FBLN1: variants seen among roughly 807,000 people sequenced by gnomAD.
FBLN1 encodes the protein fibulin 1.
Under a neutral mutation model 89.7 loss-of-function variants are expected in FBLN1, and 34 were observed. The observed-to-expected ratio is 0.38, with a 90% CI of 0.29 to 0.50. The LOEUF (loss-of-function observed/expected upper bound fraction) is 0.50. FBLN1 is among the 20% of genes least tolerant of loss of function. The pLI, the probability that FBLN1 is intolerant of heterozygous loss-of-function variation, is 0.92. For synonymous variants in FBLN1, 393 were observed against 391.3 expected (o/e 1.00, Z -0.05); for missense variants, 777 against 988.1 (o/e 0.79, Z 2.86).
chr22:45,513,207 T>C (rs187244569), intron 1 of FBLN1, among the ~76,000 whole-genome samples: 33 of 152,320 alleles, frequency 2.2e-4, no homozygotes, highest in African/African-American at 7.7e-4. Context: ...TGTAGGATGT[T>C]ATAAGATGAC....
rs1216038295 is a variant in FBLN1 at position 45,562,636 on chromosome 22, G to A, written c.1698-11875G>A. ...GCCCCTGGGGTGGGGCTCTGCCAGT[G>A]AGCAGGGGACGCACCTCACTCCGGG... On this transcript the variant is annotated intron_variant, in intron 14 of 16. Coordinates refer to ENST00000327858, the MANE Select transcript of FBLN1 (RefSeq NM_006486.3). The surrounding 1 kb of genome is among the most constrained non-coding windows in gnomAD (Gnocchi z 7.8). Among the ~76,000 whole-genome samples, 1 of 152,224 alleles carries A rather than the reference G, an allele frequency of 6.6e-6. No individual in the cohort carries two copies. Among genetic ancestry groups the A allele is most frequent in the East Asian group, 1.9e-4 (1 of 5,184 alleles).
intron 14 of FBLN1, among the ~76,000 whole-genome samples, chr22:45,567,436 T>C (rs2088909137): frequency 6.6e-6 from 1 of 152,136 alleles, no homozygotes; most frequent in Admixed American, 6.5e-5. Flanking sequence ...GCCAACATGA[T>C]GAAACCCCGT....
intron 14 of FBLN1, among the ~76,000 whole-genome samples, chr22:45,552,696 C>G (rs1369815573): frequency 1.3e-5 from 2 of 152,194 alleles, no homozygotes; most frequent in Non-Finnish European, 2.9e-5. Context: ...CTTTCTCTCT[C>G]TCTCCACTCA....
chr22:45,526,524 A>C (rs2088330539), intron 3 of FBLN1, among the ~76,000 whole-genome samples: 1 of 149,626 alleles, frequency 6.7e-6, no homozygotes, highest in Non-Finnish European at 1.5e-5. Flanking sequence ...AGATGACGAA[A>C]ATGCATTCCC....
At chr22:45,587,202 C>T (rs1569266990) in intron 16 of FBLN1, among the ~76,000 whole-genome samples, 2 of 152,184 alleles carry the variant, frequency 1.3e-5, no homozygotes, top group Admixed American at 6.5e-5. Flanking sequence ...CACCCACAGC[C>T]GGCGTTGCTG....
intron 16 of FBLN1, among the ~76,000 whole-genome samples, chr22:45,582,438 G>C (rs1485671105): frequency 6.6e-6 from 1 of 152,170 alleles, no homozygotes; most frequent in Admixed American, 6.5e-5. Flanking sequence ...CTGCGGAATG[G>C]CGAGGTCCTG....
intron 14 of FBLN1, among the ~76,000 whole-genome samples, chr22:45,555,357 A>T (rs1231431874): frequency 6.6e-6 from 1 of 151,438 alleles, no homozygotes; most frequent in African/African-American, 2.4e-5. Flanking sequence ...TCACATGATC[A>T]CAAGGCCCCA....
Position 45,563,058 on chromosome 22 carries a change from A to G in FBLN1, c.1698-11453A>G, listed in dbSNP as rs2088867874. 1 of 1,612,940 alleles carries G rather than the reference A, an allele frequency of 6.2e-7. No homozygotes were observed. Among genetic ancestry groups the G allele is most frequent in the Non-Finnish European group, 8.5e-7 (1 of 1,179,878 alleles). ...GGCCCCTCCAGTGCTGTCCCCGGGG[A>G]CAGCATGCAGCTGGCCATCACCGGC... On this transcript the variant is annotated intron_variant, in intron 14 of 16. Transcript: ENST00000327858. This position sits in a 1 kb window ranked among gnomAD's most constrained non-coding sequence, Gnocchi z 5.7.
Position 45,536,803 on chromosome 22 carries a change from A to C in FBLN1, c.922+1466A>C, listed in dbSNP as rs767084308. ...AAAAAGAAATTGCTGATATCAGAGA[A>C]ATACTAATATGAAAAGAGAGAATCC... On this transcript the variant is annotated intron_variant, in intron 8 of 16. Transcript: ENST00000327858. The surrounding 1 kb of genome is among the most constrained non-coding windows in gnomAD (Gnocchi z 5.1). Among the ~76,000 whole-genome samples, 1 of 152,144 alleles carries C rather than the reference A, an allele frequency of 6.6e-6. No homozygotes were observed. The highest frequency in any genetic ancestry group is 1.5e-5 in the Non-Finnish European group (1 of 68,010).
intron 16 of FBLN1, among the ~76,000 whole-genome samples, chr22:45,596,877 A>T (rs2089192079): frequency 6.8e-6 from 1 of 148,082 alleles, no homozygotes; most frequent in Admixed American, 6.8e-5. Flanking sequence ...TAAACTATTT[A>T]AAATACAGTT....
At chr22:45,527,040 C>T (rs960710983) in intron 3 of FBLN1, among the ~76,000 whole-genome samples, 1 of 152,200 alleles carries the variant, frequency 6.6e-6, no homozygotes, top group African/African-American at 2.4e-5. Flanking sequence ...GACTGATGCT[C>T]CCTACACTTT....
At position 45,549,814 on chromosome 22, in the gene FBLN1, C is replaced by T. The variant is rs2088678618; in HGVS notation, c.1574-678C>T. Among the ~76,000 whole-genome samples, 1 of 152,158 alleles carries T rather than the reference C, an allele frequency of 6.6e-6. No individual in the cohort carries two copies. Among genetic ancestry groups the T allele is most frequent in the African/African-American group, 2.4e-5 (1 of 41,430 alleles). Reference sequence around the variant, plus strand: ...TGCTCCCCCATCTCCAGGGGCCTCTCAGTGTGGTGCCCCAGGCCCCATCCC... The same window carrying T: ...TGCTCCCCCATCTCCAGGGGCCTCTTAGTGTGGTGCCCCAGGCCCCATCCC... On this transcript the variant is annotated intron_variant, in intron 13 of 16. Transcript: ENST00000327858. The surrounding 1 kb of genome is among the most constrained non-coding windows in gnomAD (Gnocchi z 5.7).
intron 7 of FBLN1, 85 bp from the exon 8 acceptor site, chr22:45,535,115 A>G: frequency 6.6e-7 from 1 of 1,522,196 alleles, no homozygotes; most frequent in Non-Finnish European, 9.1e-7. Context: ...CGCATTAGAA[A>G]AAAGCTTTCT....
intron 14 of FBLN1, among the ~76,000 whole-genome samples, chr22:45,568,852 A>G (rs2088927015): frequency 7.1e-6 from 1 of 140,352 alleles, no homozygotes; most frequent in African/African-American, 2.6e-5. Flanking sequence ...CTGTGGGAGA[A>G]TGCTCCTTCT....
rs1403018080 is a variant in FBLN1, at chr22:45,549,492, G to T, written c.1573+748G>T. Reference sequence around the variant, plus strand: ...CTTTGATGAAAGGCAGGCAGGAGCTGCGGTGTTTCCTGGGAGGCCCCCTCC... The same window carrying T: ...CTTTGATGAAAGGCAGGCAGGAGCTTCGGTGTTTCCTGGGAGGCCCCCTCC... On this transcript the variant is annotated intron_variant, in intron 13 of 16. Transcript: ENST00000327858. This position sits in a 1 kb window ranked among gnomAD's most constrained non-coding sequence, Gnocchi z 5.7. 6.6e-6 allele frequency among the ~76,000 whole-genome samples: 1 copy of T among 152,186 alleles called. No homozygotes were observed. The highest frequency in any genetic ancestry group is 1.5e-5 in the Non-Finnish European group (1 of 68,040).
intron 16 of FBLN1, among the ~76,000 whole-genome samples, chr22:45,599,140 C>T (rs2089210217): frequency 6.6e-6 from 1 of 152,220 alleles, no homozygotes; most frequent in Admixed American, 6.5e-5. Flanking sequence ...CTCTTCTACC[C>T]TGCCGTGGCT....
intron 1 of FBLN1, among the ~76,000 whole-genome samples, chr22:45,509,744 C>G (rs2088073126): frequency 6.6e-6 from 1 of 151,900 alleles, no homozygotes; most frequent in Non-Finnish European, 1.5e-5. Flanking sequence ...GTGGAGTCGC[C>G]CAGTCCTGTT....
intron 1 of FBLN1, among the ~76,000 whole-genome samples, chr22:45,510,234 A>G (rs1197592951): frequency 6.6e-6 from 1 of 152,168 alleles, no homozygotes; most frequent in African/African-American, 2.4e-5. Context: ...CGGTCTCACA[A>G]TAAAAGACAG....
intron 14 of FBLN1, among the ~76,000 whole-genome samples, chr22:45,555,031 G>A (rs947117939): frequency 1.7e-4 from 25 of 148,756 alleles, no homozygotes; most frequent in Middle Eastern, 3.5e-3. Flanking sequence ...CGTCTCCACC[G>A]CAGGAGGTTA....
Sources: allele counts gnomAD v4.1 joint callset (sites outside exome capture counted in the v4.1 genomes callset), GRCh38; gene constraint gnomAD v4.1.1; non-coding constraint Gnocchi (gnomAD v3.1); transcripts MANE v1.5; gene names NCBI Gene and HGNC (gene_info 2026-07-23, HGNC 2026-07-21).